The following PLCE1 variants were observed in gnomAD, a reference collection of about 807,000 sequenced individuals.
The protein encoded by PLCE1 is 1-phosphatidylinositol 4,5-bisphosphate phosphodiesterase epsilon-1.
PLCE1 carries 119 observed loss-of-function variants against 242.8 expected under a neutral mutation model. The observed-to-expected ratio is 0.49, with a 90% CI of 0.42 to 0.57. The LOEUF (loss-of-function observed/expected upper bound fraction) is 0.57. Among genes scored for constraint, PLCE1 ranks in the 20% least tolerant of loss-of-function variants. The pLI, the probability that PLCE1 is intolerant of heterozygous loss-of-function variation, is 0.00. For missense variants in PLCE1, 2,441 were observed against 2,788.8 expected, an observed-to-expected ratio of 0.88 and a Z score of 2.81; for synonymous variants, 945 against 1,017.4, an observed-to-expected ratio of 0.93 and a Z score of 1.35.
intron 2 of PLCE1, among the ~76,000 whole-genome samples, chr10:94,043,307 G>A (rs1331875552): frequency 7.2e-5 from 11 of 152,164 alleles, no homozygotes; most frequent in Non-Finnish European, 1.3e-4. Context: ...GAAACCCGAC[G>A]CTTTGGTTTG....
In PLCE1 at chr10:94,075,207, C is replaced by T. The variant is rs575875408; in HGVS notation, c.1206+42955C>T. On this transcript the variant is annotated intron_variant, in intron 2 of 32. Transcript: ENST00000371380. ...TGTTTTTGCACCTTTAGCAGAATGGCTAGTTAGTCAGGGATGTGCCCATGT... is the reference window on the plus strand; with the variant it reads ...TGTTTTTGCACCTTTAGCAGAATGGTTAGTTAGTCAGGGATGTGCCCATGT... 7.9e-5 allele frequency among the ~76,000 whole-genome samples: 12 copies of T among 152,298 alleles called. No homozygotes were observed. In the South Asian group the frequency reaches 8.3e-4, roughly 11 times the overall value.
At chr10:94,282,701 G>GTTGCTTATAATCTAAGC (rs1204583206) in intron 20 of PLCE1, among the ~76,000 whole-genome samples, 1 of 152,062 alleles carries the variant, frequency 6.6e-6, no homozygotes, top group Non-Finnish European at 1.5e-5. Context: ...GCTGTTATTT[G>GTTGCTTATAATCTAAGC]TGCTTTGCTT....
At chr10:94,152,398 G>T (rs775350885) in intron 3 of PLCE1, among the ~76,000 whole-genome samples, 1 of 152,154 alleles carries the variant, frequency 6.6e-6, no homozygotes, top group Non-Finnish European at 1.5e-5. Context: ...TCAACAAGTG[G>T]AACGCTGCAA....
At chr10:94,049,599 G>C (rs1935964) in intron 2 of PLCE1, among the ~76,000 whole-genome samples, 58,255 of 150,434 alleles carry the variant, frequency 0.39, 13,514 homozygotes, top group African/African-American at 0.66. Flanking sequence ...CTGTCTGTCT[G>C]TCTCTCTCTC....
At chr10:94,198,639 C>A (rs2048899243) in intron 4 of PLCE1, among the ~76,000 whole-genome samples, 1 of 152,218 alleles carries the variant, frequency 6.6e-6, no homozygotes, top group African/African-American at 2.4e-5. Context: ...TATCTCAAAC[C>A]TCTGGGATCT....
At chr10:94,275,976 G>T (rs1488246423) in intron 19 of PLCE1, among the ~76,000 whole-genome samples, 1 of 152,132 alleles carries the variant, frequency 6.6e-6, no homozygotes, top group Non-Finnish European at 1.5e-5. Flanking sequence ...TTAACCTTTT[G>T]TATATGGGAG....
intron 4 of PLCE1, among the ~76,000 whole-genome samples, chr10:94,185,791 T>C (rs1439275312): frequency 6.6e-6 from 1 of 152,178 alleles, no homozygotes; most frequent in African/African-American, 2.4e-5. Context: ...CACATCTCCA[T>C]TGAGGATGAC....
chr10:94,279,729 A>G, intron 19 of PLCE1, 53 bp from the exon 20 acceptor site: 1 of 1,594,534 alleles, frequency 6.3e-7, no homozygotes, highest in South Asian at 1.1e-5. Flanking sequence ...TAAAGGTTAT[A>G]AATGAATTCA....
chr10:94,197,982 C>CAAAA (rs3053181), intron 4 of PLCE1, among the ~76,000 whole-genome samples: 16 of 58,352 alleles, frequency 2.7e-4, no homozygotes, highest in African/African-American at 4.0e-4. Flanking sequence ...GACTCTGTCT[C>CAAAA]AAAAAAAAAA....
chr10:94,211,437 A>G (rs569499540), intron 4 of PLCE1, among the ~76,000 whole-genome samples: 26 of 152,354 alleles, frequency 1.7e-4, no homozygotes, highest in Non-Finnish European at 3.1e-4. Context: ...GTCACCTAAC[A>G]TCTCTGATTC....
At chr10:94,221,710 G>C (rs922092130) in intron 4 of PLCE1, among the ~76,000 whole-genome samples, 1 of 152,056 alleles carries the variant, frequency 6.6e-6, no homozygotes, top group Admixed American at 6.5e-5. Context: ...ACTCCAGCTG[G>C]GCAACAAGAG....
At chr10:94,279,547 T>C in intron 19 of PLCE1, 1 of 555,258 alleles carries the variant, frequency 1.8e-6, no homozygotes, top group Non-Finnish European at 3.2e-6. Context: ...CTGCACACAG[T>C]CTTCTGGAGA....
At chr10:94,014,600 T>C (rs2061241848) in intron 1 of PLCE1, among the ~76,000 whole-genome samples, 1 of 152,182 alleles carries the variant, frequency 6.6e-6, no homozygotes, top group South Asian at 2.1e-4. Flanking sequence ...CTCACAAGAT[T>C]TTTCATCATC....
At chr10:94,239,600 G>T (rs1292009024) in intron 7 of PLCE1, among the ~76,000 whole-genome samples, 1 of 152,138 alleles carries the variant, frequency 6.6e-6, no homozygotes, top group Non-Finnish European at 1.5e-5. Flanking sequence ...CTTAAGTGTG[G>T]ACACCCTTGG....
At chr10:94,096,045 G>A (rs555177434) in intron 2 of PLCE1, among the ~76,000 whole-genome samples, 3 of 152,132 alleles carry the variant, frequency 2.0e-5, no homozygotes, top group Non-Finnish European at 2.9e-5. Context: ...TATTTGGGCC[G>A]TGACTTCATT....
At position 94,031,303 on chromosome 10, in the gene PLCE1, G is replaced by A. The variant is rs1485318519; in HGVS notation, c.257G>A (p.Ser86Asn). 6.2e-7 allele frequency: 1 copy of A among 1,613,872 alleles called. No individual in the cohort carries two copies. The highest frequency in any genetic ancestry group is 8.5e-7 in the Non-Finnish European group (1 of 1,179,874). Residue 86 changes from serine (S) to asparagine (N), a missense_variant, in exon 2 of 33, where the codon AGT becomes AAT. Ser to Asn is a conservative substitution (Grantham distance 46, BLOSUM62 1). Coordinates refer to ENST00000371380, the MANE Select transcript of PLCE1 (RefSeq NM_016341.4). Reference protein sequence around the residue: ...AREKIVSDENSNEKCWEKIMP... With the variant: ...AREKIVSDENNNEKCWEKIMP... ...GAGAAAATAGTGAGTGATGAGAACA[G>A]TAATGAAAAATGTTGGGAGAAAATC...
chr10:94,258,765 C>G lies in PLCE1; in HGVS notation c.3555-35C>G, dbSNP rs375569643. The G allele has an allele frequency of 7.4e-6, 12 of 1,613,766 alleles. No homozygotes were observed. In the African/African-American group the frequency reaches 1.6e-4, roughly 22 times the overall value. On this transcript the variant is annotated intron_variant, in intron 11 of 32. Coordinates refer to ENST00000371380, the MANE Select transcript of PLCE1 (RefSeq NM_016341.4). The stretch of plus-strand genomic sequence containing the variant: ...GGGACAGAATCACAACAGTGGCCTG[C>G]CCTTGTGCCCATGAAGGCCTTGTCT...
chr10:94,282,657 G>A (rs1032736081), intron 20 of PLCE1, among the ~76,000 whole-genome samples: 4 of 152,078 alleles, frequency 2.6e-5, no homozygotes, highest in Non-Finnish European at 5.9e-5. Context: ...AATCTATAGA[G>A]CATTTCCTGT....
chr10:94,274,675 A>G (rs572760757), intron 19 of PLCE1, among the ~76,000 whole-genome samples: 2 of 152,194 alleles, frequency 1.3e-5, no homozygotes, highest in African/African-American at 4.8e-5. Flanking sequence ...CTCTAATTCA[A>G]TTATTTTTAA....
Sources: allele counts gnomAD v4.1 joint callset (sites outside exome capture counted in the v4.1 genomes callset), GRCh38; gene constraint gnomAD v4.1.1; transcripts MANE v1.5; gene names NCBI Gene and HGNC (gene_info 2026-07-23, HGNC 2026-07-21).